Variants in WNT7B observed in about 807,000 individuals in gnomAD.
The protein encoded by WNT7B is Wnt family member 7B, also known as protein Wnt-7b.
Under a neutral mutation model 38.2 loss-of-function variants are expected in WNT7B, and 19 were observed. The ratio of observed to expected loss-of-function variants is 0.50; its 90% CI spans 0.35 to 0.73. WNT7B has a LOEUF of 0.73. Ranked by LOEUF, WNT7B falls within the 30% of genes least tolerant of loss-of-function variation. The pLI is 0.01. For missense variants in WNT7B, 423 were observed against 507.9 expected (o/e 0.83, Z 1.61); for synonymous variants, 243 against 209.3 (o/e 1.16, Z -1.39).
At chr22:45,968,942 C>A (rs1185762207) in intron 1 of WNT7B, among the ~76,000 whole-genome samples, 1 of 152,238 alleles carries the variant, frequency 6.6e-6, no homozygotes, top group Non-Finnish European at 1.5e-5. Flanking sequence ...GGGCACACAG[C>A]AGAGCCCCTC....
rs1317012017 is a variant in WNT7B at position 45,925,198 on chromosome 22, C to G, written c.571-1863G>C. 9.2e-6 allele frequency: 9 copies of G among 982,324 alleles called. No individual in the cohort carries two copies. The African/African-American group carries it at 1.6e-4, about 17-fold the overall frequency. The allele number at this position is 982,324 out of a possible 1,614,324, so 60.9% of individuals were successfully genotyped here. On this transcript the variant is annotated intron_variant, in intron 3 of 3. Coordinates refer to ENST00000339464, the MANE Select transcript of WNT7B (RefSeq NM_058238.3). ...GGGTGCCGGGTGGGCCCTAGGCTAG[C>G]AGGTGGGTGCCGGGTGGGCGCAAAG...
At chr22:45,926,973 G>A (rs1931104422) in intron 3 of WNT7B, 2 of 985,316 alleles carry the variant, frequency 2.0e-6, no homozygotes, top group Non-Finnish European at 2.4e-6. Flanking sequence ...CCAGCTAAGG[G>A]GGTTCCCACC....
Position 45,976,821 on chromosome 22 carries a change from C to G in WNT7B, c.-67G>C. 6.7e-7 allele frequency: 1 copy of G among 1,483,884 alleles called. No individual in the cohort carries two copies. Among genetic ancestry groups the G allele is most frequent in the Non-Finnish European group, 9.1e-7 (1 of 1,104,636 alleles). The allele number at this position is 1,483,884 out of a possible 1,614,324, so 91.9% of individuals were successfully genotyped here. A position where few individuals can be genotyped will look rare whatever the true frequency, so the allele number is the denominator to read the frequency against. ...AGGGGACGCGCGGGCCCGGCAGGGCCGGGCAGGGGCCAGGGGGCTGCGGGC... is the reference window on the plus strand; with the variant it reads ...AGGGGACGCGCGGGCCCGGCAGGGCGGGGCAGGGGCCAGGGGGCTGCGGGC... On this transcript the variant is annotated 5_prime_UTR_variant, in exon 1 of 4. Coordinates refer to ENST00000339464, the MANE Select transcript of WNT7B (RefSeq NM_058238.3). This position sits in a 1 kb window ranked among gnomAD's most constrained non-coding sequence, Gnocchi z 8.5.
At chr22:45,972,936 G>C (rs930753181) in intron 1 of WNT7B, among the ~76,000 whole-genome samples, 3 of 152,270 alleles carry the variant, frequency 2.0e-5, no homozygotes, top group African/African-American at 7.2e-5. Flanking sequence ...CAGATGCATT[G>C]AGTGTCCTGA....
intron 2 of WNT7B, among the ~76,000 whole-genome samples, chr22:45,943,106 CATGTGTGT>C (rs1190108034): frequency 6.6e-6 from 1 of 152,002 alleles, no homozygotes; most frequent in African/African-American, 2.4e-5. Flanking sequence ...TGTGTGTGTG[CATGTGTGT>C]GTGTGCCAGG....
intron 2 of WNT7B, among the ~76,000 whole-genome samples, chr22:45,943,107 ATG>A (rs949993971): frequency 5.9e-5 from 9 of 151,794 alleles, no homozygotes; most frequent in African/African-American, 2.2e-4. Flanking sequence ...GTGTGTGTGC[ATG>A]TGTGTGTGTG....
At chr22:45,948,657 C>T (rs1036572657) in intron 2 of WNT7B, among the ~76,000 whole-genome samples, 16 of 152,078 alleles carry the variant, frequency 1.1e-4, no homozygotes, top group Admixed American at 1.3e-4. Context: ...CACTCCCATG[C>T]ACACAACAGC....
chr22:45,931,104 G>C lies in WNT7B; in HGVS notation c.564C>G (p.Gly188=). 3 of 1,576,012 alleles carry C rather than the reference G, an allele frequency of 1.9e-6. No individual in the cohort carries two copies. Among genetic ancestry groups the C allele is most frequent in the Non-Finnish European group, 2.6e-6 (3 of 1,161,284 alleles). The change falls in exon 3 of 4, where the codon GGC becomes GGG. Residue 188 remains glycine (G), a synonymous_variant. Transcript: ENST00000339464. ...RLMNLHNNEA[G]RKVLEDRMQL... ...AGCCGCACCCGCACCCTACCTTCCT[G>C]CCGGCCTCATTGTTATGCAGGTTCA...
At chr22:45,945,672 C>T (rs78929262) in intron 2 of WNT7B, among the ~76,000 whole-genome samples, 2 of 152,212 alleles carry the variant, frequency 1.3e-5, no homozygotes, top group South Asian at 2.1e-4. Context: ...TGCAAAGCCC[C>T]GCAGGGCGGC....
At chr22:45,948,575 G>T (rs541520231) in intron 2 of WNT7B, among the ~76,000 whole-genome samples, 1 of 152,328 alleles carries the variant, frequency 6.6e-6, no homozygotes, top group Admixed American at 6.5e-5. Context: ...TGCAAGCCTG[G>T]CACTCTGCCA....
chr22:45,977,047 C>G lies in WNT7B; in HGVS notation c.-293G>C. 2.0e-6 allele frequency: 2 copies of G among 983,486 alleles called. No homozygotes were observed. The highest frequency in any genetic ancestry group is 2.4e-6 in the Non-Finnish European group (2 of 828,724). 60.9% of individuals were successfully genotyped at this position (983,486 alleles called of 1,614,324 possible). A position where few individuals can be genotyped will look rare whatever the true frequency, so the allele number is the denominator to read the frequency against. Reference sequence around the variant, plus strand: ...TGCAAGCGCGGGCCGGGGGCCCGGGCGCGGCTGGCGGGCGGGTGCAGCCTG... The same window carrying G: ...TGCAAGCGCGGGCCGGGGGCCCGGGGGCGGCTGGCGGGCGGGTGCAGCCTG... On this transcript the variant is annotated 5_prime_UTR_variant, in exon 1 of 4. Transcript: ENST00000339464.
chr22:45,926,596 A>G (rs1185574346), intron 3 of WNT7B: 1 of 985,284 alleles, frequency 1.0e-6, no homozygotes, highest in South Asian at 4.7e-5. Flanking sequence ...TGGGGCCGAC[A>G]GAAGGCACCT....
intron 3 of WNT7B, among the ~76,000 whole-genome samples, chr22:45,929,898 ATCTATCTACCCATCC>A (rs1931272176): frequency 6.6e-6 from 1 of 150,834 alleles, no homozygotes; most frequent in Non-Finnish European, 1.5e-5. Flanking sequence ...TCATCCACTC[ATCTATCTACCCATCC>A]ATCTATCCTC....
chr22:45,975,630 C>T lies in WNT7B; in HGVS notation c.71+1054G>A. 1.4e-6 allele frequency: 1 copy of T among 713,710 alleles called. No individual in the cohort carries two copies. Among genetic ancestry groups the T allele is most frequent in the Non-Finnish European group, 2.6e-6 (1 of 383,090 alleles). 44.2% of individuals were successfully genotyped at this position (713,710 alleles called of 1,614,324 possible). On this transcript the variant is annotated intron_variant, in intron 1 of 3. Transcript: ENST00000339464. This position sits in a 1 kb window ranked among gnomAD's most constrained non-coding sequence, Gnocchi z 6.6. The stretch of plus-strand genomic sequence containing the variant: ...GCTTCCACCTCTCCGCCTGGGAAGC[C>T]GCGTCTCCCACCAGTGGTACCTGCA...
At chr22:45,955,482 G>A (rs1445571230) in intron 1 of WNT7B, among the ~76,000 whole-genome samples, 3 of 152,348 alleles carry the variant, frequency 2.0e-5, no homozygotes, top group Non-Finnish European at 2.9e-5. Context: ...ACCCAGCTTC[G>A]CTCCAAGTGT....
At position 45,941,561 on chromosome 22, in the gene WNT7B, A is replaced by G. The variant is rs1364552500; in HGVS notation, c.298+8359T>C. Among the ~76,000 whole-genome samples, 5 of 151,362 alleles carry G rather than the reference A, an allele frequency of 3.3e-5. No individual in the cohort carries two copies. In the South Asian group the frequency reaches 6.2e-4, roughly 19 times the overall value. Reference sequence around the variant, plus strand: ...AGACTCTTCTGCAGTGAGGACCCCAATGCAGTGAGGGCAGCTGGTGGGGGG... The same window carrying G: ...AGACTCTTCTGCAGTGAGGACCCCAGTGCAGTGAGGGCAGCTGGTGGGGGG... On this transcript the variant is annotated intron_variant, in intron 2 of 3. Transcript: ENST00000339464.
In WNT7B at chr22:45,948,105, G is replaced by T. The variant is rs138617401; in HGVS notation, c.298+1815C>A. 3.9e-5 allele frequency among the ~76,000 whole-genome samples: 6 copies of T among 152,334 alleles called. No individual in the cohort carries two copies. In the East Asian group the frequency reaches 1.2e-3, roughly 29 times the overall value. ...GAGGCAGCAAGGATTAGCAGGAACA[G>T]CGAGGGACACCTGATCGACGCTCAG... On this transcript the variant is annotated intron_variant, in intron 2 of 3. Coordinates refer to ENST00000339464, the MANE Select transcript of WNT7B (RefSeq NM_058238.3).
intron 3 of WNT7B, chr22:45,927,066 A>C: frequency 1.0e-6 from 1 of 985,432 alleles, no homozygotes; most frequent in Non-Finnish European, 1.2e-6. Context: ...AGCTGTCCGG[A>C]CAACAGCCCC....
rs552406175 is a variant in WNT7B at position 45,923,936 on chromosome 22, G to A, written c.571-601C>T. Among the ~76,000 whole-genome samples, 4 of 152,316 alleles carry A rather than the reference G, an allele frequency of 2.6e-5. No homozygotes were observed. In the East Asian group the frequency reaches 7.7e-4, roughly 29 times the overall value. ...CGAGGCCCGGGCATGCTGAGAAGCC[G>A]ACAGCCCCGGCCCGCCCGCTGTTCT... On this transcript the variant is annotated intron_variant, in intron 3 of 3. Transcript: ENST00000339464.
Sources: allele counts gnomAD v4.1 joint callset (sites outside exome capture counted in the v4.1 genomes callset), GRCh38; gene constraint gnomAD v4.1.1; non-coding constraint Gnocchi (gnomAD v3.1); transcripts MANE v1.5; gene names NCBI Gene and HGNC (gene_info 2026-07-23, HGNC 2026-07-21).